Variants in PTPRD observed in about 807,000 individuals in gnomAD.
PTPRD encodes receptor-type tyrosine-protein phosphatase delta.
In PTPRD, 34 loss-of-function variants were observed where a neutral mutation model predicts 214.5. The observed-to-expected ratio is 0.16, with a 90% CI of 0.12 to 0.21. The LOEUF is 0.21. Ranked by LOEUF, PTPRD falls within the 10% of genes least tolerant of loss-of-function variation. PTPRD has a pLI of 1.00. For missense variants in PTPRD, 2,545 were observed against 2,398.7 expected (o/e 1.06, Z -1.27); for synonymous variants, 1,128 against 845.7 (o/e 1.33, Z -5.79).
intron 11 of PTPRD, among the ~76,000 whole-genome samples, chr9:8,852,074 T>C (rs977896354): frequency 6.6e-6 from 1 of 151,782 alleles, no homozygotes; most frequent in Non-Finnish European, 1.5e-5. Context: ...AAAAAAAAGA[T>C]GTCTCTTGTT....
chr9:9,148,509 C>T (rs1360809789), intron 10 of PTPRD, among the ~76,000 whole-genome samples: 1 of 152,168 alleles, frequency 6.6e-6, no homozygotes, highest in Non-Finnish European at 1.5e-5. Context: ...ACATACGTGT[C>T]ATGAACACCA....
intron 35 of PTPRD, among the ~76,000 whole-genome samples, chr9:8,406,838 C>T (rs534521652): frequency 6.6e-6 from 1 of 152,222 alleles, no homozygotes; most frequent in East Asian, 1.9e-4. Context: ...ACTGCTATTC[C>T]ACTTTATACT....
At chr9:10,555,038 A>C (rs77034829) in intron 2 of PTPRD, among the ~76,000 whole-genome samples, 1 of 152,132 alleles carries the variant, frequency 6.6e-6, no homozygotes, top group Non-Finnish European at 1.5e-5. Context: ...ACCCATTTCC[A>C]TTGCTCTAAA....
chr9:9,316,960 C>T (rs1348386634), intron 9 of PTPRD, among the ~76,000 whole-genome samples: 1 of 152,120 alleles, frequency 6.6e-6, no homozygotes, highest in African/African-American at 2.4e-5. Context: ...GGAATCTGCC[C>T]TCATTTCTTT....
intron 8 of PTPRD, among the ~76,000 whole-genome samples, chr9:9,443,051 T>C (rs1178124138): frequency 6.6e-6 from 1 of 152,096 alleles, no homozygotes; most frequent in African/African-American, 2.4e-5. Flanking sequence ...ATCCCCAAAA[T>C]GTGCCACAAG....
intron 10 of PTPRD, among the ~76,000 whole-genome samples, chr9:9,152,915 G>C (rs1475846582): frequency 1.3e-5 from 2 of 152,172 alleles, no homozygotes; most frequent in African/African-American, 2.4e-5. Flanking sequence ...AGAATCAAAT[G>C]TATCTTTCTT....
intron 2 of PTPRD, among the ~76,000 whole-genome samples, chr9:10,351,995 A>G (rs2154458617): frequency 6.6e-6 from 1 of 152,176 alleles, no homozygotes; most frequent in South Asian, 2.1e-4. Flanking sequence ...AGGCATTGAT[A>G]GGTAAATCCT....
At chr9:8,961,754 A>G (rs1216418014) in intron 11 of PTPRD, among the ~76,000 whole-genome samples, 1 of 152,116 alleles carries the variant, frequency 6.6e-6, no homozygotes, top group East Asian at 1.9e-4. Context: ...TTGTCGATGT[A>G]AAGACATCTG....
At chr9:10,474,479 G>C (rs1007601706) in intron 2 of PTPRD, among the ~76,000 whole-genome samples, 2 of 152,098 alleles carry the variant, frequency 1.3e-5, no homozygotes, top group Non-Finnish European at 2.9e-5. Flanking sequence ...GGAGCACCCA[G>C]ATTCATAAAA....
At chr9:8,875,947 T>A (rs1055699797) in intron 11 of PTPRD, among the ~76,000 whole-genome samples, 1 of 152,190 alleles carries the variant, frequency 6.6e-6, no homozygotes, top group African/African-American at 2.4e-5. Context: ...TTCTTTATGA[T>A]GCCGAGACAC....
chr9:10,120,337 A>C (rs1052520218), intron 3 of PTPRD, among the ~76,000 whole-genome samples: 2 of 152,008 alleles, frequency 1.3e-5, no homozygotes, highest in South Asian at 2.1e-4. Flanking sequence ...TTTAAGTATT[A>C]TCTCTTTTAA....
intron 10 of PTPRD, among the ~76,000 whole-genome samples, chr9:9,101,881 A>T (rs1481263837): frequency 6.6e-6 from 1 of 152,210 alleles, no homozygotes; most frequent in African/African-American, 2.4e-5. Flanking sequence ...TTAAAATTTT[A>T]ATCCGTATTT....
At chr9:10,508,230 T>C (rs968809462) in intron 2 of PTPRD, among the ~76,000 whole-genome samples, 12 of 152,118 alleles carry the variant, frequency 7.9e-5, no homozygotes, top group African/African-American at 2.7e-4. Flanking sequence ...GAAATGCAAA[T>C]CAAAACCACT....
intron 39 of PTPRD, among the ~76,000 whole-genome samples, chr9:8,355,195 GT>G (rs778463009): frequency 3.3e-5 from 5 of 152,062 alleles, no homozygotes; most frequent in Non-Finnish European, 5.9e-5. Flanking sequence ...CACCTCTCCT[GT>G]CTCTCTCTTG....
At chr9:9,046,124 T>C (rs1288391575) in intron 10 of PTPRD, among the ~76,000 whole-genome samples, 1 of 152,222 alleles carries the variant, frequency 6.6e-6, no homozygotes, top group African/African-American at 2.4e-5. Flanking sequence ...TCTATATCTT[T>C]CAGCTTCCAA....
At chr9:8,373,916 ACC>A (rs879285495) in intron 39 of PTPRD, among the ~76,000 whole-genome samples, 16,307 of 113,500 alleles carry the variant, frequency 0.14, 1,177 homozygotes, top group Admixed American at 0.26. Context: ...CTATCTATCT[ACC>A]TACCTACCTA....
chr9:8,546,527 C>T (rs2080204932), intron 14 of PTPRD, among the ~76,000 whole-genome samples: 1 of 151,170 alleles, frequency 6.6e-6, no homozygotes, highest in Non-Finnish European at 1.5e-5. Flanking sequence ...GAGACAGAGT[C>T]TCACTCTGTA....
intron 2 of PTPRD, among the ~76,000 whole-genome samples, chr9:10,365,789 A>G (rs998532426): frequency 6.6e-6 from 1 of 152,168 alleles, no homozygotes; most frequent in Non-Finnish European, 1.5e-5. Context: ...AATAATATTA[A>G]TTATAATAAA....
intron 5 of PTPRD, among the ~76,000 whole-genome samples, chr9:9,900,600 C>A (rs7470406): frequency 6.6e-5 from 10 of 150,436 alleles, no homozygotes; most frequent in African/African-American, 2.5e-4. Context: ...CTTCCAAAGT[C>A]GGCCTGTTAC....
Sources: allele counts gnomAD v4.1 joint callset (sites outside exome capture counted in the v4.1 genomes callset), GRCh38; gene constraint gnomAD v4.1.1; transcripts MANE v1.5; gene names NCBI Gene and HGNC (gene_info 2026-07-23, HGNC 2026-07-21).